Variants in CHST9 observed in about 807,000 individuals in gnomAD.
The protein encoded by CHST9 is carbohydrate sulfotransferase 9, also known as GalNAc-4-sulfotransferase 2.
In CHST9, 41 loss-of-function variants were observed where a neutral mutation model predicts 44.4. The ratio of observed to expected loss-of-function variants is 0.92; its 90% CI spans 0.72 to 1.20. The LOEUF (loss-of-function observed/expected upper bound fraction) is 1.20. Ranked by LOEUF, CHST9 falls within the 50% of genes most tolerant of loss-of-function variation. The pLI is 0.00. For synonymous variants in CHST9, 171 were observed against 178.4 expected, an observed-to-expected ratio of 0.96 and a Z score of 0.33; for missense variants, 504 against 516.5, an observed-to-expected ratio of 0.98 and a Z score of 0.23.
At chr18:27,076,814 C>A (rs1229606771) in intron 2 of CHST9, among the ~76,000 whole-genome samples, 2 of 152,124 alleles carry the variant, frequency 1.3e-5, no homozygotes, top group Non-Finnish European at 2.9e-5. Flanking sequence ...GAGGTTGTTC[C>A]ATATTATCTG....
intron 4 of CHST9, among the ~76,000 whole-genome samples, chr18:27,015,573 G>C (rs1000595000): frequency 6.6e-6 from 1 of 152,082 alleles, no homozygotes; most frequent in Non-Finnish European, 1.5e-5. Flanking sequence ...GGAGGGATAC[G>C]TGCTAGCATA....
At chr18:27,101,327 C>T (rs1370634940) in intron 2 of CHST9, among the ~76,000 whole-genome samples, 1 of 152,140 alleles carries the variant, frequency 6.6e-6, no homozygotes, top group Non-Finnish European at 1.5e-5. Context: ...CTCGGTGACT[C>T]ACGCCTGTAA....
chr18:27,150,508 G>C (rs932240228), intron 1 of CHST9, among the ~76,000 whole-genome samples: 2 of 152,144 alleles, frequency 1.3e-5, no homozygotes. Flanking sequence ...TCTTCTAGCT[G>C]TTCCAGCAGC....
At chr18:26,982,568 C>A (rs941890486) in intron 4 of CHST9, among the ~76,000 whole-genome samples, 1 of 152,030 alleles carries the variant, frequency 6.6e-6, no homozygotes, top group Non-Finnish European at 1.5e-5. Flanking sequence ...TTACTGGGGA[C>A]GGGGGACACA....
intron 4 of CHST9, among the ~76,000 whole-genome samples, chr18:26,987,974 G>T (rs1598618163): frequency 6.6e-6 from 1 of 152,176 alleles, no homozygotes. Flanking sequence ...ATGACATTTT[G>T]TTATAGTAGC....
chr18:27,110,544 C>T (rs1217092142), intron 2 of CHST9, among the ~76,000 whole-genome samples: 1 of 152,108 alleles, frequency 6.6e-6, no homozygotes, highest in Non-Finnish European at 1.5e-5. Context: ...AATGGTAGGG[C>T]TTACTTTACA....
Position 26,916,500 on chromosome 18 carries a change from T to C in CHST9, c.1091A>G (p.Tyr364Cys), listed in dbSNP as rs1568088591. 1.9e-6 allele frequency: 3 copies of C among 1,613,844 alleles called. No individual in the cohort carries two copies. Among genetic ancestry groups the C allele is most frequent in the Non-Finnish European group, 2.5e-6 (3 of 1,179,758 alleles). The change falls in exon 6 of 6, where the codon TAT (tyrosine) becomes TGT (cysteine). Residue 364 changes from tyrosine (Y) to cysteine (C), a missense_variant. By Grantham distance (194) the Tyr-to-Cys change is radical. Transcript: ENST00000618847. ...AGTCTCAAATTTCCCTACAAAATCA[T>C]AGTTGATCAAACACGGATAGCAGAG... The part of the protein sequence containing the change: ...SKLCYPCLIN[Y>C]DFVGKFETLE...
At chr18:26,972,159 C>T (rs567868118) in intron 4 of CHST9, among the ~76,000 whole-genome samples, 1 of 151,926 alleles carries the variant, frequency 6.6e-6, no homozygotes, top group South Asian at 2.1e-4. Context: ...GAGTTCCAGA[C>T]CAGCCTGGCC....
chr18:27,145,431 G>A (rs188664121), intron 1 of CHST9, among the ~76,000 whole-genome samples: 11 of 152,222 alleles, frequency 7.2e-5, no homozygotes, highest in East Asian at 5.8e-4. Flanking sequence ...CGATCCTCCC[G>A]CCTCAGCCTC....
At chr18:27,082,356 A>C (rs1439099481) in intron 2 of CHST9, among the ~76,000 whole-genome samples, 1 of 152,228 alleles carries the variant, frequency 6.6e-6, no homozygotes, top group Non-Finnish European at 1.5e-5. Flanking sequence ...ATTTATCTAA[A>C]GAACAATGTT....
At chr18:27,143,970 T>TAAA (rs1376128637) in intron 1 of CHST9, among the ~76,000 whole-genome samples, 1 of 151,976 alleles carries the variant, frequency 6.6e-6, no homozygotes, top group Non-Finnish European at 1.5e-5. Flanking sequence ...AAAATAAAAA[T>TAAA]AAAAATAGAA....
At chr18:27,094,212 C>T (rs2058095377) in intron 2 of CHST9, among the ~76,000 whole-genome samples, 1 of 152,128 alleles carries the variant, frequency 6.6e-6, no homozygotes, top group South Asian at 2.1e-4. Context: ...AACACTGAGA[C>T]ATCTTGATCA....
chr18:26,973,940 A>C (rs1277355227), intron 4 of CHST9, among the ~76,000 whole-genome samples: 1 of 152,228 alleles, frequency 6.6e-6, no homozygotes, highest in Non-Finnish European at 1.5e-5. Context: ...ATTAAAAATA[A>C]AATCTTATCA....
At chr18:26,981,469 C>T (rs1056360770) in intron 4 of CHST9, among the ~76,000 whole-genome samples, 4 of 152,152 alleles carry the variant, frequency 2.6e-5, no homozygotes, top group Admixed American at 6.6e-5. Context: ...AGAACAGAGC[C>T]GCATCTATCA....
intron 4 of CHST9, among the ~76,000 whole-genome samples, chr18:26,970,854 C>A (rs929660529): frequency 1.3e-5 from 2 of 152,172 alleles, no homozygotes; most frequent in African/African-American, 2.4e-5. Flanking sequence ...AGAAATCTGG[C>A]CTCTACCCAT....
intron 2 of CHST9, among the ~76,000 whole-genome samples, chr18:27,140,903 C>T (rs2058558844): frequency 1.3e-5 from 2 of 151,782 alleles, no homozygotes; most frequent in Non-Finnish European, 2.9e-5. Context: ...CAATATGTTA[C>T]ATATTCTTTA....
chr18:27,045,075 CTG>C (rs1340505299), intron 3 of CHST9, among the ~76,000 whole-genome samples: 55 of 151,264 alleles, frequency 3.6e-4, no homozygotes, highest in African/African-American at 1.3e-3. Context: ...TTGTTCCTCT[CTG>C]TGGGTAGCTT....
intron 2 of CHST9, among the ~76,000 whole-genome samples, chr18:27,131,283 C>T (rs528642697): frequency 3.9e-5 from 6 of 152,318 alleles, no homozygotes; most frequent in South Asian, 2.1e-4. Context: ...AGCGTGGTGG[C>T]GCACGCCTGT....
intron 4 of CHST9, among the ~76,000 whole-genome samples, chr18:26,957,250 G>A (rs527643842): frequency 1.3e-5 from 2 of 152,204 alleles, no homozygotes; most frequent in African/African-American, 2.4e-5. Context: ...AGTGAATTAC[G>A]GAGCTCAGAA....
Sources: gnomAD v4.1 joint callset for allele counts (sites outside exome capture counted in the v4.1 genomes callset) on GRCh38, gnomAD v4.1.1 for gene constraint, MANE v1.5 for transcripts, NCBI Gene and HGNC (gene_info 2026-07-23, HGNC 2026-07-21) for gene names.